Variants in CDC42BPB observed in about 807,000 individuals in gnomAD.
CDC42BPB encodes the protein CDC42 binding protein kinase beta.
In CDC42BPB, 37 loss-of-function variants were observed where a neutral mutation model predicts 214.9. That is an observed-to-expected ratio of 0.17 (90% CI 0.13 to 0.23). The LOEUF (loss-of-function observed/expected upper bound fraction) is 0.23, where lower values mean the gene tolerates loss of function less well. CDC42BPB is among the 10% of genes least tolerant of loss of function. The pLI is 1.00. For missense variants in CDC42BPB, 1,694 were observed against 2,227.0 expected (o/e 0.76, Z 4.82); for synonymous variants, 931 against 884.0 (o/e 1.05, Z -0.94).
At chr14:102,964,694 C>T (rs762931294) in intron 18 of CDC42BPB, 44 bp from the exon 19 acceptor site, 26 of 1,554,542 alleles carry the variant, frequency 1.7e-5, no homozygotes, top group Middle Eastern at 1.7e-4. Context: ...TTCAGTTATC[C>T]GCTTGTTAAA....
At chr14:102,982,051 A>G (rs535819758) in intron 7 of CDC42BPB, among the ~76,000 whole-genome samples, 6 of 152,294 alleles carry the variant, frequency 3.9e-5, no homozygotes, top group African/African-American at 1.4e-4. Flanking sequence ...AAGAGCCCAC[A>G]GGTGGTCGGC....
chr14:103,037,414 C>T (rs1887724673), intron 1 of CDC42BPB, among the ~76,000 whole-genome samples: 1 of 152,244 alleles, frequency 6.6e-6, no homozygotes, highest in East Asian at 1.9e-4. Flanking sequence ...CCATCTCAGC[C>T]TCCCGAGCAG....
At chr14:102,975,037 G>T (rs955756858) in intron 11 of CDC42BPB, among the ~76,000 whole-genome samples, 5 of 152,238 alleles carry the variant, frequency 3.3e-5, no homozygotes, top group African/African-American at 1.2e-4. Context: ...GGTGACAGCA[G>T]GTCTAGCACC....
At chr14:103,046,391 T>G (rs1458595988) in intron 1 of CDC42BPB, among the ~76,000 whole-genome samples, 1 of 152,116 alleles carries the variant, frequency 6.6e-6, no homozygotes, top group Non-Finnish European at 1.5e-5. Flanking sequence ...ACAGGGAGTT[T>G]CCAATCGTCC....
rs1595441507 is a variant in CDC42BPB, at chr14:102,936,300, G to A, written c.5004+1804C>T. 2.6e-5 allele frequency among the ~76,000 whole-genome samples: 4 copies of A among 152,356 alleles called. 1 individual carries two copies. The highest frequency in any genetic ancestry group is 2.6e-4 in the Admixed American group (4 of 15,300). On this transcript the variant is annotated intron_variant, in intron 36 of 36. Coordinates refer to ENST00000361246, the MANE Select transcript of CDC42BPB (RefSeq NM_006035.4). The stretch of plus-strand genomic sequence containing the variant: ...CTCAAACACATATGTGCACACACGT[G>A]TTCACAGCAGCACCACTCACAACAG...
Position 102,947,785 on chromosome 14 carries a change from A to G in CDC42BPB, c.3467T>C (p.Val1156Ala). The change falls in exon 27 of 37, where the codon GTG (valine) becomes GCG (alanine). Residue 1156 changes from valine (V) to alanine (A), a missense_variant. Physicochemically the swap from Val to Ala is moderately conservative, Grantham distance 64. This residue lies in a region of CDC42BPB where 567 missense variants were observed against 790.3 expected (regional missense o/e 0.72). Transcript: ENST00000361246. ...GACATCTGAGGCCAGGACTGAGCTC[A>G]CGGAAAACTCGTCATCTCTGGTAAG... is the stretch of plus-strand genomic sequence containing the variant. ...VLDLRDDEFS[V>A]SSVLASDVIH... 6.2e-7 allele frequency: 1 copy of G among 1,612,608 alleles called. No homozygotes were observed. The highest frequency in any genetic ancestry group is 8.5e-7 in the Non-Finnish European group (1 of 1,179,878).
At chr14:103,014,057 TC>T (rs1239492422) in intron 1 of CDC42BPB, among the ~76,000 whole-genome samples, 2 of 151,638 alleles carry the variant, frequency 1.3e-5, no homozygotes, top group Non-Finnish European at 2.9e-5. Context: ...TCCCAGTTAC[TC>T]GCGAGGCTGA....
intron 6 of CDC42BPB, among the ~76,000 whole-genome samples, chr14:102,984,853 T>A (rs1894162993): frequency 6.6e-6 from 1 of 152,182 alleles, no homozygotes; most frequent in South Asian, 2.1e-4. Context: ...TCAGGCTGAA[T>A]GGATCAGCAG....
intron 8 of CDC42BPB, 160 bp from the exon 9 acceptor site, chr14:102,978,365 A>T (rs1334088612): frequency 1.0e-6 from 1 of 984,236 alleles, no homozygotes; most frequent in East Asian, 1.1e-4. Context: ...AGATGAGTAT[A>T]GCAGATCTGT....
At position 103,040,068 on chromosome 14, in the gene CDC42BPB, A is replaced by T. The variant is rs1231714653; in HGVS notation, c.175+16931T>A. ...CTGAATTGAACACGTAAAAATAGAT[A>T]AAGTGGCCAGGCGCAGTGGCTCACG... On this transcript the variant is annotated intron_variant, in intron 1 of 36. Coordinates refer to ENST00000361246, the MANE Select transcript of CDC42BPB (RefSeq NM_006035.4). 6.6e-5 allele frequency among the ~76,000 whole-genome samples: 10 copies of T among 152,340 alleles called. No individual in the cohort carries two copies. In the South Asian group the frequency reaches 2.1e-3, roughly 32 times the overall value.
intron 1 of CDC42BPB, among the ~76,000 whole-genome samples, chr14:103,028,943 G>A (rs1887196420): frequency 6.6e-6 from 1 of 152,094 alleles, no homozygotes; most frequent in African/African-American, 2.4e-5. Context: ...GAAACCTTCT[G>A]CATATAAACC....
intron 26 of CDC42BPB, among the ~76,000 whole-genome samples, chr14:102,948,142 TGAG>T: frequency 2.2e-5 from 1 of 45,416 alleles, no homozygotes; most frequent in Non-Finnish European, 4.1e-5. Context: ...ACAAGTGGGG[TGAG>T]GGGTGTGGAA....
chr14:103,036,570 A>G (rs1887676958), intron 1 of CDC42BPB, among the ~76,000 whole-genome samples: 1 of 152,198 alleles, frequency 6.6e-6, no homozygotes, highest in African/African-American at 2.4e-5. Flanking sequence ...CAGACTATCT[A>G]CAGACTACTC....
At chr14:103,002,896 C>T (rs36040787) in intron 4 of CDC42BPB, among the ~76,000 whole-genome samples, 5,783 of 152,284 alleles carry the variant, frequency 0.038, 150 homozygotes, top group South Asian at 0.063. Flanking sequence ...CATAAGTACA[C>T]ATTTTTCCCT....
intron 17 of CDC42BPB, among the ~76,000 whole-genome samples, chr14:102,966,838 T>A (rs1215145803): frequency 6.6e-6 from 1 of 151,998 alleles, no homozygotes; most frequent in Non-Finnish European, 1.5e-5. Context: ...AGTCCTTCAG[T>A]GGGTTGGTGG....
intron 25 of CDC42BPB, 161 bp from the exon 26 acceptor site, chr14:102,950,065 G>C: frequency 1.0e-6 from 1 of 985,482 alleles, no homozygotes; most frequent in Non-Finnish European, 1.2e-6. Context: ...TGCTGGGGAG[G>C]GGTCCATGCG....
Position 102,939,677 on chromosome 14 carries a change from G to C in CDC42BPB, c.4760C>G (p.Thr1587Ser). Reference protein sequence around the residue: ...ELRSKMISNPTNFNHVAHMGP... With the variant: ...ELRSKMISNPSNFNHVAHMGP... ...CATGTGGGCCACGTGGTTGAAGTTG[G>C]TTGGGTTGGATATCATTTTGGATCT... Residue 1587 changes from threonine to serine, a missense_variant, in exon 34 of 37, where the codon ACC becomes AGC. Physicochemically the swap from Thr to Ser is moderately conservative, Grantham distance 58 (BLOSUM62 1). Coordinates refer to ENST00000361246, the MANE Select transcript of CDC42BPB (RefSeq NM_006035.4). The C allele has an allele frequency of 6.2e-7, 1 of 1,614,212 alleles. No individual in the cohort carries two copies. The highest frequency in any genetic ancestry group is 8.5e-7 in the Non-Finnish European group (1 of 1,180,044).
At chr14:103,050,564 C>G (rs1157927314) in intron 1 of CDC42BPB, among the ~76,000 whole-genome samples, 2 of 152,134 alleles carry the variant, frequency 1.3e-5, no homozygotes, top group East Asian at 3.8e-4. Context: ...TCAATTCCAC[C>G]CTGGGCAACA....
At chr14:102,966,558 T>A in intron 17 of CDC42BPB, 171 bp from the exon 18 acceptor site, 2 of 980,136 alleles carry the variant, frequency 2.0e-6, no homozygotes, top group Non-Finnish European at 2.4e-6. Context: ...GGATGCGTCG[T>A]TACATTGCAC....
Sources: allele counts gnomAD v4.1 joint callset (sites outside exome capture counted in the v4.1 genomes callset), GRCh38; gene constraint gnomAD v4.1.1; regional missense constraint gnomAD v4.1.1; transcripts MANE v1.5; gene names NCBI Gene and HGNC (gene_info 2026-07-23, HGNC 2026-07-21).